The following NPLOC4 variants were observed in gnomAD, a reference collection of about 807,000 sequenced individuals.
NPLOC4 encodes NPL4 homolog, ubiquitin recognition factor.
NPLOC4 carries 18 observed loss-of-function variants against 80.6 expected under a neutral mutation model. The observed-to-expected ratio is 0.22, with a 90% confidence interval of 0.15 to 0.33. The LOEUF (loss-of-function observed/expected upper bound fraction) is 0.33. Among genes scored for constraint, NPLOC4 ranks in the 10% least tolerant of loss-of-function variants. The pLI is 1.00. For synonymous variants in NPLOC4, 313 were observed against 301.5 expected, an observed-to-expected ratio of 1.04 and a Z score of -0.39; for missense variants, 540 against 786.1, an observed-to-expected ratio of 0.69 and a Z score of 3.74.
At chr17:81,565,686 C>T in intron 15 of NPLOC4, 79 bp from the exon 16 acceptor site, 1 of 1,061,220 alleles carries the variant, frequency 9.4e-7, no homozygotes, top group Non-Finnish European at 1.3e-6. Flanking sequence ...TTTCTTTCTC[C>T]CCAACATCAA....
At chr17:81,560,827 C>T (rs999239186) in intron 16 of NPLOC4, 3 of 152,228 alleles carry the variant, frequency 2.0e-5, no homozygotes, top group Admixed American at 2.0e-4. Context: ...CTCCCACTCG[C>T]AAGGTACGAG....
Position 81,604,593 on chromosome 17 carries a change from G to A in NPLOC4, c.789C>T (p.Pro263=), listed in dbSNP as rs370510838. Residue 263 remains proline, a synonymous_variant, in exon 8 of 17, where the codon CCC becomes CCT. Coordinates refer to ENST00000331134, the MANE Select transcript of NPLOC4 (RefSeq NM_017921.4). ...CAGCCACTTCAGCCCTGATGCCAAGGGGAATGTCTTTGTGCTCCGTGTACC... is the reference window on the plus strand; with the variant it reads ...CAGCCACTTCAGCCCTGATGCCAAGAGGAATGTCTTTGTGCTCCGTGTACC... ...YGRYTEHKDI[P]LGIRAEVAAI... is the part of the protein sequence containing the mutation. 2.5e-5 allele frequency: 41 copies of A among 1,613,544 alleles called. No homozygotes were observed. In the African/African-American group the frequency reaches 5.2e-4, roughly 20 times the overall value.
intron 12 of NPLOC4, among the ~76,000 whole-genome samples, chr17:81,585,666 G>A (rs1015756099): frequency 9.5e-5 from 14 of 146,612 alleles, no homozygotes; most frequent in African/African-American, 3.3e-4. Context: ...ATTTCTGGGG[G>A]GGGGGGGAAA....
Position 81,572,172 on chromosome 17 carries a change from T to A in NPLOC4, c.1282-84A>T, listed in dbSNP as rs72855648. 67,002 of 589,094 alleles carry A rather than the reference T, an allele frequency of 0.11. 4,767 individuals carry two copies. Among genetic ancestry groups the A allele is most frequent in the Admixed American group, 0.24 (6,147 of 26,108 alleles). 36.5% of individuals were successfully genotyped at this position (589,094 alleles called of 1,614,324 possible). ...TTTCACATGCTTGTCTCACCTTTTA[T>A]TTAATTAATTAATTTATTTATTTAT... On this transcript the variant is annotated intron_variant, in intron 12 of 16. Coordinates refer to ENST00000331134, the MANE Select transcript of NPLOC4 (RefSeq NM_017921.4). The surrounding 1 kb of genome is among the most constrained non-coding windows in gnomAD (Gnocchi z 4.5).
intron 11 of NPLOC4, among the ~76,000 whole-genome samples, chr17:81,592,361 G>A (rs930786135): frequency 2.0e-5 from 3 of 152,178 alleles, no homozygotes; most frequent in East Asian, 1.9e-4. Flanking sequence ...TTAAAAGCAC[G>A]CATGAGGATA....
At position 81,580,917 on chromosome 17, in the gene NPLOC4, T is replaced by A. The variant is rs2034421927; in HGVS notation, c.1281+8027A>T. On this transcript the variant is annotated intron_variant, in intron 12 of 16. Transcript: ENST00000331134. The surrounding 1 kb of genome is among the most constrained non-coding windows in gnomAD (Gnocchi z 4.4). ...AGCTCTGAAGGGCCCAGGGCCAGCCTCCCATGCCCACAGCTGGGGGCCTGG... is the reference window on the plus strand; with the variant it reads ...AGCTCTGAAGGGCCCAGGGCCAGCCACCCATGCCCACAGCTGGGGGCCTGG... Among the ~76,000 whole-genome samples the A allele has an allele frequency of 6.6e-6, 1 of 152,082 alleles. No homozygotes were observed. The highest frequency in any genetic ancestry group is 1.5e-5 in the Non-Finnish European group (1 of 67,996).
intron 12 of NPLOC4, among the ~76,000 whole-genome samples, chr17:81,579,279 G>A (rs1158710537): frequency 1.3e-5 from 2 of 152,232 alleles, no homozygotes; most frequent in East Asian, 3.8e-4. Flanking sequence ...CTGGGAAGCT[G>A]TGGCAGGAGA....
At chr17:81,588,890 A>G in intron 12 of NPLOC4, 54 bp downstream of exon 12, 1 of 1,521,986 alleles carries the variant, frequency 6.6e-7, no homozygotes, top group African/African-American at 1.4e-5. Flanking sequence ...AAGGTCCAAG[A>G]CAGGTTCACA....
chr17:81,571,008 T>C (rs1045078257), intron 13 of NPLOC4, among the ~76,000 whole-genome samples: 4 of 152,154 alleles, frequency 2.6e-5, no homozygotes, highest in African/African-American at 9.7e-5. Flanking sequence ...AAATCATGCC[T>C]GCTCCTCCTG....
At position 81,636,958 on chromosome 17, in the gene NPLOC4, GC is replaced by G. The variant is rs1484494666; in HGVS notation, c.-29del. 7.9e-7 allele frequency: 1 copy of G among 1,270,736 alleles called. No homozygotes were observed. The highest frequency in any genetic ancestry group is 3.0e-4 in the Middle Eastern group (1 of 3,358). The allele number at this position is 1,270,736 out of a possible 1,614,324, so 78.7% of individuals were successfully genotyped here. On this transcript the variant is annotated 5_prime_UTR_variant, in exon 1 of 17. Transcript: ENST00000331134. ...CGGCTGCTCCTGCCTCCGGGCTCGA[GC>G]CCCGGGCCGCCGCCGCCTGCCGCCC...
intron 11 of NPLOC4, among the ~76,000 whole-genome samples, chr17:81,593,794 G>GGTGCCCA (rs147473845): frequency 0.017 from 2,646 of 151,702 alleles, 88 homozygotes; most frequent in African/African-American, 0.06. Context: ...TCCCCTCCTG[G>GGTGCCCA]GTGCCCAGTG....
At chr17:81,559,517 C>G (rs1012668419) in intron 16 of NPLOC4, 101 bp from the exon 17 acceptor site, 1 of 1,290,298 alleles carries the variant, frequency 7.8e-7, no homozygotes, top group South Asian at 1.5e-5. Flanking sequence ...GAGCTCCCCG[C>G]CCCCAACATC....
rs746777152 is a variant in NPLOC4, at chr17:81,577,314, C to G, written c.1282-5226G>C. On this transcript the variant is annotated intron_variant, in intron 12 of 16. Coordinates refer to ENST00000331134, the MANE Select transcript of NPLOC4 (RefSeq NM_017921.4). The surrounding 1 kb of genome is among the most constrained non-coding windows in gnomAD (Gnocchi z 4.3). ...AGGACCCCAGCACTGTCCCTTGGCACCAGGACATCACCCTCCCACCTCTCC... is the reference window on the plus strand; with the variant it reads ...AGGACCCCAGCACTGTCCCTTGGCAGCAGGACATCACCCTCCCACCTCTCC... Among the ~76,000 whole-genome samples the G allele has an allele frequency of 6.6e-6, 1 of 152,012 alleles. No individual in the cohort carries two copies. The highest frequency in any genetic ancestry group is 1.5e-5 in the Non-Finnish European group (1 of 67,994).
chr17:81,622,294 A>G lies in NPLOC4; in HGVS notation c.97-16T>C. On this transcript the variant is annotated splice_polypyrimidine_tract_variant and intron_variant, in intron 2 of 16. Transcript: ENST00000331134. ...CCTTTGCAACCTAAAACAAGGCCCA[A>G]AGAACAGAAATTTAATGAAATGCTA... 6.4e-7 allele frequency: 1 copy of G among 1,561,158 alleles called. No individual in the cohort carries two copies. Among genetic ancestry groups the G allele is most frequent in the Non-Finnish European group, 8.8e-7 (1 of 1,132,134 alleles).
At chr17:81,592,271 G>A (rs2036767938) in intron 11 of NPLOC4, among the ~76,000 whole-genome samples, 1 of 152,222 alleles carries the variant, frequency 6.6e-6, no homozygotes, top group Non-Finnish European at 1.5e-5. Context: ...GTCCCCGCAT[G>A]GCCGTGACCA....
chr17:81,629,958 A>G (rs535816628), intron 1 of NPLOC4, 153 bp from the exon 2 acceptor site: 5 of 608,628 alleles, frequency 8.2e-6, no homozygotes, highest in South Asian at 6.1e-5. Flanking sequence ...CAATCCTTCT[A>G]GAATATGATG....
chr17:81,572,486 C>T lies in NPLOC4; in HGVS notation c.1282-398G>A, dbSNP rs922593190. Among the ~76,000 whole-genome samples the T allele has an allele frequency of 2.0e-5, 3 of 152,318 alleles. No homozygotes were observed. The highest frequency in any genetic ancestry group is 1.3e-4 in the Admixed American group (2 of 15,292). On this transcript the variant is annotated intron_variant, in intron 12 of 16. Coordinates refer to ENST00000331134, the MANE Select transcript of NPLOC4 (RefSeq NM_017921.4). This position sits in a 1 kb window ranked among gnomAD's most constrained non-coding sequence, Gnocchi z 4.5. ...GATTACAGGCGTGAGCCACCGCGTC[C>T]GGCCTTCACTTTTTAAATTACTTCA...
intron 12 of NPLOC4, chr17:81,573,617 T>A (rs918212520): frequency 5.9e-5 from 9 of 152,194 alleles, no homozygotes; most frequent in South Asian, 2.1e-4. Flanking sequence ...TAATAAAAAA[T>A]TTTTAAATTC....
chr17:81,614,334 C>G (rs1456765685), intron 3 of NPLOC4: 1 of 145,912 alleles, frequency 6.9e-6, no homozygotes, highest in Non-Finnish European at 1.5e-5. Flanking sequence ...ATTTCAACAA[C>G]CCCTCATAAA....
Sources: gnomAD v4.1 joint callset for allele counts (sites outside exome capture counted in the v4.1 genomes callset) on GRCh38, gnomAD v4.1.1 for gene constraint, Gnocchi (gnomAD v3.1) non-coding constraint, MANE v1.5 for transcripts, NCBI Gene and HGNC (gene_info 2026-07-23, HGNC 2026-07-21) for gene names.